The following CEP128 variants were observed in gnomAD, a reference collection of about 807,000 sequenced individuals.
CEP128 encodes the protein centrosomal protein 128kDa.
CEP128 carries 132 observed loss-of-function variants against 156.7 expected under a neutral mutation model. The ratio of observed to expected loss-of-function variants is 0.84; its 90% CI spans 0.73 to 0.97. The LOEUF is 0.97. CEP128 is among the 50% of genes least tolerant of loss of function. The probability of loss-of-function intolerance (pLI) is 0.00; values close to 1 mark genes in which losing one functional copy is unlikely to be tolerated. For missense variants in CEP128, 1,252 were observed against 1,281.9 expected, an observed-to-expected ratio of 0.98 and a Z score of 0.36; for synonymous variants, 469 against 448.9, an observed-to-expected ratio of 1.04 and a Z score of -0.57.
intron 19 of CEP128, among the ~76,000 whole-genome samples, chr14:80,672,307 C>CAAAA (rs11323956): frequency 6.9e-6 from 1 of 145,298 alleles, no homozygotes. Context: ...CCTAATAAGC[C>CAAAA]AAAAAAAAAA....
chr14:80,743,264 T>C lies in CEP128; in HGVS notation c.2617A>G (p.Lys873Glu), dbSNP rs746723475. ...AGTTCCTCACAGAGCCACTGAAGTTTAGTCTAAAAAATAACATTTATATCT... is the reference window on the plus strand; with the variant it reads ...AGTTCCTCACAGAGCCACTGAAGTTCAGTCTAAAAAATAACATTTATATCT... ...PHRWLAESKT[K>E]LQWLCEELKE... Residue 873 changes from lysine to glutamate, a missense_variant, in exon 19 of 25, where the codon AAA (lysine) becomes GAA (glutamate). Coordinates refer to ENST00000555265, the MANE Select transcript of CEP128 (RefSeq NM_152446.5). 1.8e-5 allele frequency: 29 copies of C among 1,608,492 alleles called. No homozygotes were observed. The highest frequency in any genetic ancestry group is 2.4e-5 in the Non-Finnish European group (28 of 1,176,334).
chr14:80,701,907 C>A (rs575058698), intron 19 of CEP128, among the ~76,000 whole-genome samples: 2 of 152,294 alleles, frequency 1.3e-5, no homozygotes, highest in South Asian at 4.1e-4. Context: ...GTGCTTCTCT[C>A]TGGATGGGAT....
At chr14:80,733,359 T>TGC (rs1898371526) in intron 19 of CEP128, among the ~76,000 whole-genome samples, 1 of 151,184 alleles carries the variant, frequency 6.6e-6, no homozygotes, top group Admixed American at 6.6e-5. Flanking sequence ...TGTGTGTGTG[T>TGC]GTGTGTGTGT....
At chr14:80,538,525 C>T (rs1329934281) in intron 21 of CEP128, among the ~76,000 whole-genome samples, 1 of 152,296 alleles carries the variant, frequency 6.6e-6, no homozygotes, top group East Asian at 1.9e-4. Context: ...GTATACCCAC[C>T]ACCTAGATTC....
intron 23 of CEP128, among the ~76,000 whole-genome samples, chr14:80,524,135 T>C (rs1594946439): frequency 6.6e-6 from 1 of 152,214 alleles, no homozygotes; most frequent in East Asian, 1.9e-4. Context: ...AATACCATGC[T>C]TTCTGCATCT....
chr14:80,532,100 C>T (rs1329099972), intron 21 of CEP128, among the ~76,000 whole-genome samples: 1 of 152,046 alleles, frequency 6.6e-6, no homozygotes, highest in Non-Finnish European at 1.5e-5. Context: ...TATATAATAC[C>T]TACCCTGAGA....
In CEP128 at chr14:80,787,085, C is replaced by T. The variant is rs1289375105; in HGVS notation, c.1561-1540G>A. 2.6e-5 allele frequency among the ~76,000 whole-genome samples: 4 copies of T among 152,306 alleles called. No homozygotes were observed. The South Asian group carries it at 6.2e-4, about 24-fold the overall frequency. ...TTTTTCTATTGCTTCATAACAATTTCCAACAGACTTAGTAGCTTAAAATAC... is the reference window on the plus strand; with the variant it reads ...TTTTTCTATTGCTTCATAACAATTTTCAACAGACTTAGTAGCTTAAAATAC... On this transcript the variant is annotated intron_variant, in intron 14 of 24. Transcript: ENST00000555265.
At chr14:80,656,606 T>C (rs2140878549) in intron 19 of CEP128, among the ~76,000 whole-genome samples, 1 of 152,066 alleles carries the variant, frequency 6.6e-6, no homozygotes, top group East Asian at 1.9e-4. Flanking sequence ...AAGTTGCCTC[T>C]GGAGAATATT....
At chr14:80,955,532 C>T in intron 2 of CEP128, 1 of 941,778 alleles carries the variant, frequency 1.1e-6, no homozygotes, top group Non-Finnish European at 1.7e-6. Flanking sequence ...CAGCCTCCTC[C>T]ACAGTGGTGA....
At chr14:80,639,588 T>C (rs1446371322) in intron 19 of CEP128, among the ~76,000 whole-genome samples, 1 of 152,180 alleles carries the variant, frequency 6.6e-6, no homozygotes, top group Non-Finnish European at 1.5e-5. Context: ...TATAATGAAA[T>C]CTGTGGACCA....
At chr14:80,629,818 T>C (rs568206528) in intron 19 of CEP128, among the ~76,000 whole-genome samples, 1 of 152,136 alleles carries the variant, frequency 6.6e-6, no homozygotes, top group East Asian at 1.9e-4. Context: ...ATTTCTGGGA[T>C]ACTATAGTCC....
At chr14:80,577,678 T>C (rs1891416118) in intron 20 of CEP128, among the ~76,000 whole-genome samples, 1 of 152,188 alleles carries the variant, frequency 6.6e-6, no homozygotes, top group Admixed American at 6.5e-5. Flanking sequence ...CCTCTAATTA[T>C]TTTTCACGTT....
intron 7 of CEP128, among the ~76,000 whole-genome samples, chr14:80,896,467 C>T (rs1018520136): frequency 4.6e-5 from 7 of 152,090 alleles, no homozygotes; most frequent in African/African-American, 1.4e-4. Flanking sequence ...GAGACATTTT[C>T]GATGGACTGT....
chr14:80,494,052 T>C (rs1287142210), downstream of CEP128, among the ~76,000 whole-genome samples: 1 of 152,238 alleles, frequency 6.6e-6, no homozygotes, highest in African/African-American at 2.4e-5. Flanking sequence ...TGAAACTAAA[T>C]GGAATCTTTC....
chr14:80,488,529 G>C (rs1218949765), downstream of CEP128, among the ~76,000 whole-genome samples: 2 of 151,598 alleles, frequency 1.3e-5, no homozygotes, highest in African/African-American at 4.8e-5. Context: ...CTTTTACACT[G>C]TTGGTGGGAC....
chr14:80,685,489 G>A (rs1896489206), intron 19 of CEP128, among the ~76,000 whole-genome samples: 2 of 152,014 alleles, frequency 1.3e-5, no homozygotes, highest in South Asian at 2.1e-4. Flanking sequence ...TGAATTGAAA[G>A]AATCAATATC....
At chr14:80,653,610 A>G (rs1471864263) in intron 19 of CEP128, among the ~76,000 whole-genome samples, 1 of 152,154 alleles carries the variant, frequency 6.6e-6, no homozygotes, top group Non-Finnish European at 1.5e-5. Context: ...TTTAAAGGAC[A>G]GGCTATCTTG....
intron 19 of CEP128, among the ~76,000 whole-genome samples, chr14:80,721,493 T>C (rs1897814922): frequency 6.6e-6 from 1 of 152,216 alleles, no homozygotes; most frequent in African/African-American, 2.4e-5. Flanking sequence ...ATGTAAAATA[T>C]GTCAATAATT....
intron 8 of CEP128, among the ~76,000 whole-genome samples, chr14:80,891,792 T>C (rs1270251188): frequency 6.6e-6 from 1 of 151,888 alleles, no homozygotes. Flanking sequence ...TGAATAAAAA[T>C]ATTTCACGAA....
Sources: gnomAD v4.1 joint callset for allele counts (sites outside exome capture counted in the v4.1 genomes callset) on GRCh38, gnomAD v4.1.1 for gene constraint, MANE v1.5 for transcripts, NCBI Gene and HGNC (gene_info 2026-07-23, HGNC 2026-07-21) for gene names.